The following SLC16A7 variants were observed in gnomAD, a reference collection of about 807,000 sequenced individuals.
SLC16A7 encodes monocarboxylate transporter 2.
SLC16A7 carries 33 observed loss-of-function variants against 34.9 expected under a neutral mutation model. The observed-to-expected ratio is 0.94, with a 90% CI of 0.72 to 1.26. The LOEUF is 1.26. SLC16A7 is among the 50% of genes most tolerant of loss of function. The pLI is 0.00. For missense variants in SLC16A7, 573 were observed against 578.1 expected (o/e 0.99, Z 0.09); for synonymous variants, 201 against 206.6 (o/e 0.97, Z 0.23).
intron 2 of SLC16A7, among the ~76,000 whole-genome samples, chr12:59,681,569 A>T (rs1355166827): frequency 6.6e-6 from 1 of 152,182 alleles, no homozygotes; most frequent in Non-Finnish European, 1.5e-5. Flanking sequence ...TCCTGTAATA[A>T]TATTCCTGTT....
At chr12:59,756,488 CA>C (rs1270016568) in intron 3 of SLC16A7, among the ~76,000 whole-genome samples, 1 of 151,936 alleles carries the variant, frequency 6.6e-6, no homozygotes, top group Admixed American at 6.6e-5. Flanking sequence ...TTTATGCAGC[CA>C]AAAAACACAT....
chr12:59,603,717 C>T (rs1019561821), intron 1 of SLC16A7, among the ~76,000 whole-genome samples: 1 of 151,986 alleles, frequency 6.6e-6, no homozygotes, highest in African/African-American at 2.4e-5. Flanking sequence ...TTGTAGATGT[C>T]AGGAATAATA....
intron 2 of SLC16A7, among the ~76,000 whole-genome samples, chr12:59,681,449 A>AT (rs5798505): frequency 0.086 from 12,875 of 149,098 alleles, 610 homozygotes; most frequent in Middle Eastern, 0.2. Context: ...TGTGCCAGCA[A>AT]TTTTTTTTTT....
intron 2 of SLC16A7, among the ~76,000 whole-genome samples, chr12:59,677,496 T>C (rs1193602030): frequency 1.3e-5 from 2 of 152,200 alleles, no homozygotes; most frequent in African/African-American, 4.8e-5. Flanking sequence ...GTCAAATATC[T>C]GTCTCATTCT....
chr12:59,684,230 A>C (rs1468618827), intron 2 of SLC16A7, among the ~76,000 whole-genome samples: 2 of 152,244 alleles, frequency 1.3e-5, no homozygotes, highest in African/African-American at 4.8e-5. Context: ...TAAGAAAATA[A>C]CTAGAAAAGA....
intron 3 of SLC16A7, among the ~76,000 whole-genome samples, chr12:59,754,355 G>A (rs1291155075): frequency 6.6e-6 from 1 of 151,974 alleles, no homozygotes; most frequent in Non-Finnish European, 1.5e-5. Context: ...TTGATAGACT[G>A]CTAGCAAGAC....
chr12:59,758,072 G>C (rs1287918509), intron 3 of SLC16A7, among the ~76,000 whole-genome samples: 2 of 151,760 alleles, frequency 1.3e-5, no homozygotes, highest in Non-Finnish European at 2.9e-5. Context: ...CCAACACAAG[G>C]GTTAGGGGGA....
chr12:59,604,839 C>T (rs553757278), intron 1 of SLC16A7, among the ~76,000 whole-genome samples: 17 of 152,018 alleles, frequency 1.1e-4, no homozygotes, highest in East Asian at 5.8e-4. Context: ...GGGAAAAGTC[C>T]GATAATTTTA....
At chr12:59,747,978 A>G (rs1879075907) in intron 3 of SLC16A7, among the ~76,000 whole-genome samples, 1 of 152,144 alleles carries the variant, frequency 6.6e-6, no homozygotes, top group Non-Finnish European at 1.5e-5. Context: ...CGAGGAGGGC[A>G]GATCACCTGA....
Position 59,647,925 on chromosome 12 carries a change from T to G in SLC16A7, c.-129-7227T>G, listed in dbSNP as rs551137569. Among the ~76,000 whole-genome samples the G allele has an allele frequency of 7.6e-4, 115 of 151,990 alleles. 1 individual carries two copies. The highest frequency in any genetic ancestry group is 4.4e-4 in the Non-Finnish European group (30 of 67,936). On this transcript the variant is annotated intron_variant, in intron 1 of 5. Coordinates refer to ENST00000547379, the MANE Select transcript of SLC16A7 (RefSeq NM_001270623.2). The stretch of plus-strand genomic sequence containing the variant: ...AAAATTAGCCAGATGTGGTGGAACA[T>G]GCCTGTAGTCCCTGCTATTTGGGAG...
In SLC16A7 at chr12:59,737,475, T is replaced by A. The variant is rs79969438; in HGVS notation, c.217+32457T>A. 3.0e-4 allele frequency among the ~76,000 whole-genome samples: 45 copies of A among 152,320 alleles called. 1 individual carries two copies. In the East Asian group the frequency reaches 8.5e-3, roughly 29 times the overall value. The stretch of plus-strand genomic sequence containing the variant: ...AAACCTCTTTCCTCTTGAAACATCA[T>A]TAAATAATTTTACTTTAAACTATGT... On this transcript the variant is annotated intron_variant, in intron 3 of 5. Transcript: ENST00000547379.
In SLC16A7 at chr12:59,667,716, A is replaced by T. The variant is rs145473681; in HGVS notation, c.-31+12466A>T. Among the ~76,000 whole-genome samples the T allele has an allele frequency of 2.5e-3, 374 of 152,344 alleles. 1 individual carries two copies. The highest frequency in any genetic ancestry group is 8.5e-3 in the African/African-American group (354 of 41,586). ...CTAGCAGCAGACATTTGCCTAAGTA[A>T]CAAGGAGCCAAATGCTAATCACCAA... On this transcript the variant is annotated intron_variant, in intron 2 of 5. Transcript: ENST00000547379.
chr12:59,602,048 G>A (rs1423057074), intron 1 of SLC16A7, among the ~76,000 whole-genome samples: 1 of 152,112 alleles, frequency 6.6e-6, no homozygotes, highest in Non-Finnish European at 1.5e-5. Context: ...TACCTGTGGT[G>A]GAATGGTGAT....
At chr12:59,746,784 C>T (rs940982755) in intron 3 of SLC16A7, among the ~76,000 whole-genome samples, 1 of 152,138 alleles carries the variant, frequency 6.6e-6, no homozygotes. Context: ...ATGATCCCTA[C>T]CCCCTCAAAG....
At chr12:59,664,054 C>T (rs1260641039) in intron 2 of SLC16A7, among the ~76,000 whole-genome samples, 1 of 152,014 alleles carries the variant, frequency 6.6e-6, no homozygotes, top group African/African-American at 2.4e-5. Flanking sequence ...AGCCTCGAAT[C>T]TAGACAATCT....
chr12:59,751,312 T>G (rs1879518603), intron 3 of SLC16A7, among the ~76,000 whole-genome samples: 2 of 152,306 alleles, frequency 1.3e-5, no homozygotes, highest in African/African-American at 4.8e-5. Context: ...ATTGCCTCAC[T>G]CGGGAAGCGC....
intron 3 of SLC16A7, among the ~76,000 whole-genome samples, chr12:59,766,900 G>T (rs1314595365): frequency 1.3e-5 from 2 of 152,086 alleles, no homozygotes; most frequent in African/African-American, 4.8e-5. Flanking sequence ...AGCTTCAGAA[G>T]GAATGGTACC....
rs1471752028 is a variant in SLC16A7, at chr12:59,655,173, A to G, written c.-108A>G. ...CTAGGAGTCAATCTTAAGATGTGAT[A>G]CTTTCCTGTGAAACCTGAAACAAGG... On this transcript the variant is annotated 5_prime_UTR_variant, in exon 2 of 6. The change creates a new upstream start codon in the 5' untranslated region. Coordinates refer to ENST00000547379, the MANE Select transcript of SLC16A7 (RefSeq NM_001270623.2). 6.6e-6 allele frequency: 1 copy of G among 151,860 alleles called. No individual in the cohort carries two copies. Among genetic ancestry groups the G allele is most frequent in the African/African-American group, 2.4e-5 (1 of 41,404 alleles). 9.4% of individuals were successfully genotyped at this position (151,860 alleles called of 1,614,324 possible). A position where few individuals can be genotyped will look rare whatever the true frequency, so the allele number is the denominator to read the frequency against.
intron 2 of SLC16A7, among the ~76,000 whole-genome samples, chr12:59,701,119 ATCT>A (rs1379525091): frequency 6.6e-6 from 1 of 151,768 alleles, no homozygotes; most frequent in East Asian, 1.9e-4. Flanking sequence ...TAATTTTAAG[ATCT>A]TCACTCATCT....
Sources: gnomAD v4.1 joint callset for allele counts (sites outside exome capture counted in the v4.1 genomes callset) on GRCh38, gnomAD v4.1.1 for gene constraint, MANE v1.5 for transcripts, NCBI Gene and HGNC (gene_info 2026-07-23, HGNC 2026-07-21) for gene names.